FBXL18: variants seen among roughly 807,000 people sequenced by gnomAD.
FBXL18 encodes F-box and leucine rich repeat protein 18.
FBXL18 carries 36 observed loss-of-function variants against 46.0 expected under a neutral mutation model. The ratio of observed to expected loss-of-function variants is 0.78; its 90% CI spans 0.60 to 1.03. The LOEUF (loss-of-function observed/expected upper bound fraction) is 1.03, where lower values mean the gene tolerates loss of function less well. FBXL18 is among the 50% of genes least tolerant of loss of function. The probability of loss-of-function intolerance (pLI) is 0.00; values close to 1 mark genes in which losing one functional copy is unlikely to be tolerated. For missense variants in FBXL18, 977 were observed against 1,004.1 expected (o/e 0.97, Z 0.36); for synonymous variants, 557 against 465.3 (o/e 1.20, Z -2.54).
At chr7:5,512,684 T>C (rs2128239713) in intron 1 of FBXL18, among the ~76,000 whole-genome samples, 1 of 152,260 alleles carries the variant, frequency 6.6e-6, no homozygotes, top group South Asian at 2.1e-4. Flanking sequence ...AGGACCCCCC[T>C]TCTTCCCTGA....
chr7:5,486,114 C>T (rs1408239922), intron 4 of FBXL18, among the ~76,000 whole-genome samples: 3 of 149,924 alleles, frequency 2.0e-5, no homozygotes, highest in Non-Finnish European at 2.9e-5. Context: ...TTTAGCTGGG[C>T]GTGCTGGCGC....
chr7:5,503,531 T>C (rs1584239132), intron 2 of FBXL18, among the ~76,000 whole-genome samples: 1 of 150,036 alleles, frequency 6.7e-6, no homozygotes, highest in East Asian at 1.9e-4. Context: ...TTTTTCTCTT[T>C]TTTTTTTTTG....
At chr7:5,468,188 T>C (rs1195748740) in intron 4 of FBXL18, among the ~76,000 whole-genome samples, 1 of 152,160 alleles carries the variant, frequency 6.6e-6, no homozygotes, top group Non-Finnish European at 1.5e-5. Flanking sequence ...TTTCACCGTG[T>C]TAGCCAGGAT....
chr7:5,500,444 C>T, intron 3 of FBXL18, 44 bp downstream of exon 3: 1 of 1,533,738 alleles, frequency 6.5e-7, no homozygotes, highest in South Asian at 1.2e-5. Context: ...GTTCCCTCCG[C>T]CAGCTTCCAG....
chr7:5,469,960 CAG>C (rs1783402410), intron 4 of FBXL18, among the ~76,000 whole-genome samples: 1 of 151,946 alleles, frequency 6.6e-6, no homozygotes, highest in Non-Finnish European at 1.5e-5. Flanking sequence ...GTGTGAATGT[CAG>C]AGTGTGGGAT....
chr7:5,468,819 T>G (rs576190231), intron 4 of FBXL18, among the ~76,000 whole-genome samples: 2 of 151,866 alleles, frequency 1.3e-5, no homozygotes, highest in Non-Finnish European at 1.5e-5. Flanking sequence ...CAGGCTGATC[T>G]CAAATTCCTG....
intron 4 of FBXL18, among the ~76,000 whole-genome samples, chr7:5,462,950 C>CAAAAAAAAAAAAAAAAAAA (rs138208570): frequency 4.5e-5 from 1 of 22,378 alleles, no homozygotes; most frequent in Non-Finnish European, 9.4e-5. Context: ...GACTTGGTCT[C>CAAAAAAAAAAAAAAAAAAA]AAAAAAAAAA....
intron 4 of FBXL18, among the ~76,000 whole-genome samples, chr7:5,458,374 G>A (rs1043079163): frequency 8.5e-5 from 13 of 152,062 alleles, no homozygotes; most frequent in Non-Finnish European, 1.2e-4. Flanking sequence ...AGACCAACCT[G>A]GCCAACATGG....
At chr7:5,485,323 A>C (rs1783744855) in intron 4 of FBXL18, among the ~76,000 whole-genome samples, 2 of 152,162 alleles carry the variant, frequency 1.3e-5, no homozygotes, top group South Asian at 4.1e-4. Context: ...GTCAGAGGGC[A>C]CTCCTGTGCG....
At position 5,481,971 on chromosome 7, in the gene FBXL18, C is replaced by T. The variant is rs1439215218; in HGVS notation, c.2001-40G>A. On this transcript the variant is annotated intron_variant, in intron 4 of 4. Transcript: ENST00000382368. ...GGCGGTCAGCGGATTACATGGGTGG[C>T]CACGGAGGGGGCGGAGCCTGCTGGG... 3.2e-6 allele frequency: 5 copies of T among 1,564,456 alleles called. No individual in the cohort carries two copies. The African/African-American group carries it at 4.1e-5, about 13-fold the overall frequency.
At chr7:5,506,442 A>C (rs946627776) in intron 1 of FBXL18, among the ~76,000 whole-genome samples, 4 of 150,366 alleles carry the variant, frequency 2.7e-5, no homozygotes, top group African/African-American at 7.4e-5. Flanking sequence ...TTTAGTAGAG[A>C]CGGGGTTTCA....
At chr7:5,484,469 CAAA>C (rs35237238) in intron 4 of FBXL18, among the ~76,000 whole-genome samples, 1 of 68,284 alleles carries the variant, frequency 1.5e-5, no homozygotes, top group Non-Finnish European at 2.9e-5. Flanking sequence ...GACTCTGTCT[CAAA>C]AAAAAAAAAA....
intron 4 of FBXL18, among the ~76,000 whole-genome samples, chr7:5,458,130 C>T (rs939680258): frequency 6.6e-6 from 1 of 151,894 alleles, no homozygotes; most frequent in Non-Finnish European, 1.5e-5. Flanking sequence ...CAGGTGGGAC[C>T]GTTTCAGGAT....
chr7:5,512,838 C>A, intron 1 of FBXL18, among the ~76,000 whole-genome samples: 1 of 152,138 alleles, frequency 6.6e-6, no homozygotes, highest in East Asian at 1.9e-4. Context: ...GCGGTGAGCA[C>A]AGCGACCCCC....
intron 1 of FBXL18, among the ~76,000 whole-genome samples, chr7:5,508,689 G>A (rs538130576): frequency 1.5e-4 from 23 of 152,028 alleles, no homozygotes; most frequent in Middle Eastern, 6.8e-3. Flanking sequence ...CCAAAAGACA[G>A]ACTCCCAAAT....
intron 4 of FBXL18, among the ~76,000 whole-genome samples, chr7:5,460,818 G>C (rs917428909): frequency 1.3e-5 from 2 of 152,144 alleles, no homozygotes; most frequent in Admixed American, 6.6e-5. Flanking sequence ...GCCCGGCCTC[G>C]CTATCTGCAC....
At chr7:5,487,543 C>T (rs1275982419) in intron 4 of FBXL18, among the ~76,000 whole-genome samples, 2 of 152,226 alleles carry the variant, frequency 1.3e-5, no homozygotes, top group African/African-American at 4.8e-5. Flanking sequence ...CTCTTCCAGG[C>T]GTGAACTCCC....
At chr7:5,467,023 C>T (rs547414590) in intron 4 of FBXL18, among the ~76,000 whole-genome samples, 1 of 152,058 alleles carries the variant, frequency 6.6e-6, no homozygotes, top group African/African-American at 2.4e-5. Context: ...TCAAGACCAG[C>T]CTGGCCATCA....
intron 1 of FBXL18, among the ~76,000 whole-genome samples, chr7:5,509,192 CAAA>C (rs35365443): frequency 3.9e-5 from 4 of 103,316 alleles, no homozygotes; most frequent in Admixed American, 9.8e-5. Context: ...GACTCTGTCT[CAAA>C]AAAAAAAAAA....
Sources: gnomAD v4.1 joint callset for allele counts (sites outside exome capture counted in the v4.1 genomes callset) on GRCh38, gnomAD v4.1.1 for gene constraint, MANE v1.5 for transcripts, NCBI Gene and HGNC (gene_info 2026-07-23, HGNC 2026-07-21) for gene names.